PAK5: variants seen among roughly 807,000 people sequenced by gnomAD.
PAK5 encodes serine/threonine-protein kinase PAK 5.
A neutral mutation model predicts 65.9 loss-of-function variants in PAK5; 16 were observed. That is an observed-to-expected ratio of 0.24 (90% CI 0.16 to 0.37). The LOEUF (loss-of-function observed/expected upper bound fraction) is 0.37, where lower values mean the gene tolerates loss of function less well. Among genes scored for constraint, PAK5 ranks in the 10% least tolerant of loss-of-function variants. PAK5 has a pLI of 1.00. For synonymous variants in PAK5, 371 were observed against 354.9 expected, an observed-to-expected ratio of 1.05 and a Z score of -0.51; for missense variants, 785 against 903.9, an observed-to-expected ratio of 0.87 and a Z score of 1.69.
chr20:9,828,001 T>G (rs1179958000), intron 1 of PAK5, among the ~76,000 whole-genome samples: 1 of 151,970 alleles, frequency 6.6e-6, no homozygotes, highest in African/African-American at 2.4e-5. Context: ...CCAGCTAATG[T>G]TTTTTTGTAT....
At chr20:9,739,824 T>A (rs1006021776) in intron 1 of PAK5, among the ~76,000 whole-genome samples, 1 of 152,128 alleles carries the variant, frequency 6.6e-6, no homozygotes, top group Admixed American at 6.6e-5. Context: ...TAGAAGCATA[T>A]CTTCTCACCA....
At chr20:9,577,511 C>CTG (rs1306958923) in intron 4 of PAK5, 1 of 152,038 alleles carries the variant, frequency 6.6e-6, no homozygotes, top group Non-Finnish European at 1.5e-5. Context: ...GACCCAGCCT[C>CTG]CTTTAGGAGT....
intron 1 of PAK5, among the ~76,000 whole-genome samples, chr20:9,819,324 A>G (rs1479124505): frequency 6.6e-6 from 1 of 152,220 alleles, no homozygotes; most frequent in African/African-American, 2.4e-5. Flanking sequence ...ATGGCAAAAT[A>G]GGACACAAAG....
intron 3 of PAK5, among the ~76,000 whole-genome samples, chr20:9,642,804 C>A (rs773456265): frequency 1.3e-5 from 2 of 152,096 alleles, no homozygotes; most frequent in Admixed American, 1.3e-4. Flanking sequence ...CTCAAATATC[C>A]ATTTTTTTGT....
At chr20:9,760,598 A>AT (rs1174532709) in intron 1 of PAK5, among the ~76,000 whole-genome samples, 3 of 149,564 alleles carry the variant, frequency 2.0e-5, no homozygotes, top group Non-Finnish European at 3.0e-5. Context: ...AAAAATGTAT[A>AT]TTTGAGTTTA....
intron 7 of PAK5, among the ~76,000 whole-genome samples, chr20:9,546,745 C>T (rs1405480559): frequency 1.3e-5 from 2 of 152,110 alleles, no homozygotes; most frequent in East Asian, 3.9e-4. Flanking sequence ...CTGTTGTGCT[C>T]AGCAATGAGG....
At chr20:9,771,316 A>C (rs1026936329) in intron 1 of PAK5, among the ~76,000 whole-genome samples, 1 of 152,184 alleles carries the variant, frequency 6.6e-6, no homozygotes, top group African/African-American at 2.4e-5. Flanking sequence ...AAATGGTTGA[A>C]TCTTGCCAAC....
intron 2 of PAK5, among the ~76,000 whole-genome samples, chr20:9,697,804 CT>C (rs1427229640): frequency 6.6e-6 from 1 of 152,098 alleles, no homozygotes; most frequent in East Asian, 1.9e-4. Flanking sequence ...CAAGAACAGT[CT>C]TAGTTGACTA....
At chr20:9,645,517 A>G (rs1022840883) in intron 2 of PAK5, among the ~76,000 whole-genome samples, 1 of 152,150 alleles carries the variant, frequency 6.6e-6, no homozygotes, top group Non-Finnish European at 1.5e-5. Context: ...TTTGGCCTAC[A>G]TGTTGATTTG....
chr20:9,708,747 C>T (rs1411052298), intron 2 of PAK5, among the ~76,000 whole-genome samples: 1 of 152,136 alleles, frequency 6.6e-6, no homozygotes, highest in Admixed American at 6.6e-5. Flanking sequence ...ACACTCCACA[C>T]CTCCACCTAA....
chr20:9,702,499 C>T (rs1161824886), intron 2 of PAK5, among the ~76,000 whole-genome samples: 4 of 152,036 alleles, frequency 2.6e-5, no homozygotes, highest in East Asian at 1.9e-4. Context: ...TATGCAATCA[C>T]GATGTGTAAA....
intron 1 of PAK5, among the ~76,000 whole-genome samples, chr20:9,764,521 C>A (rs935524902): frequency 5.9e-5 from 9 of 152,278 alleles, no homozygotes; most frequent in Admixed American, 5.9e-4. Context: ...TCTTGCTCAG[C>A]ACCCTTTAGC....
intron 3 of PAK5, among the ~76,000 whole-genome samples, chr20:9,600,559 C>A (rs1249839930): frequency 5.9e-5 from 9 of 152,182 alleles, no homozygotes; most frequent in Non-Finnish European, 7.4e-5. Flanking sequence ...AGCTCTTTAG[C>A]TTCAGAGTGC....
intron 1 of PAK5, among the ~76,000 whole-genome samples, chr20:9,797,551 C>G (rs6077601): frequency 6.7e-6 from 1 of 149,786 alleles, no homozygotes; most frequent in East Asian, 2.0e-4. Flanking sequence ...ATGTAAATGA[C>G]GAGTTAATGG....
At chr20:9,762,980 A>G (rs760329831) in intron 1 of PAK5, among the ~76,000 whole-genome samples, 33 of 152,150 alleles carry the variant, frequency 2.2e-4, no homozygotes, top group Non-Finnish European at 2.9e-4. Flanking sequence ...GGATGAATCT[A>G]GAGGACATTA....
At chr20:9,650,239 C>T (rs1034567836) in intron 2 of PAK5, among the ~76,000 whole-genome samples, 1 of 152,194 alleles carries the variant, frequency 6.6e-6, no homozygotes, top group Non-Finnish European at 1.5e-5. Flanking sequence ...GTTAATACTG[C>T]TCATAATATC....
At chr20:9,761,928 G>T (rs926079247) in intron 1 of PAK5, among the ~76,000 whole-genome samples, 6 of 151,918 alleles carry the variant, frequency 3.9e-5, no homozygotes, top group Non-Finnish European at 8.8e-5. Flanking sequence ...TAGACCAATT[G>T]AACAGAATAA....
At chr20:9,734,695 C>T (rs948050397) in intron 1 of PAK5, among the ~76,000 whole-genome samples, 2 of 152,112 alleles carry the variant, frequency 1.3e-5, no homozygotes, top group African/African-American at 4.8e-5. Context: ...TGTTAATAAC[C>T]AACACTGATC....
At chr20:9,673,464 G>A (rs1027444307) in intron 2 of PAK5, among the ~76,000 whole-genome samples, 24 of 152,156 alleles carry the variant, frequency 1.6e-4, no homozygotes, top group African/African-American at 5.3e-4. Context: ...AGACTGCAGA[G>A]TTAATTTTTA....
Sources: gnomAD v4.1 joint callset for allele counts (sites outside exome capture counted in the v4.1 genomes callset) on GRCh38, gnomAD v4.1.1 for gene constraint, MANE v1.5 for transcripts, NCBI Gene and HGNC (gene_info 2026-07-23, HGNC 2026-07-21) for gene names.